CALML4: variants seen among roughly 807,000 people sequenced by gnomAD.
The protein encoded by CALML4 is calmodulin like 4, also known as calmodulin-like protein 4.
Under a neutral mutation model 17.9 loss-of-function variants are expected in CALML4, and 16 were observed. The observed-to-expected ratio is 0.89, with a 90% CI of 0.61 to 1.36. The LOEUF is 1.36. Ranked by LOEUF, CALML4 falls within the 40% of genes most tolerant of loss-of-function variation. The pLI is 0.00. For synonymous variants in CALML4, 86 were observed against 71.5 expected, an observed-to-expected ratio of 1.20 and a Z score of -1.02; for missense variants, 203 against 194.8, an observed-to-expected ratio of 1.04 and a Z score of -0.25.
chr15:68,196,740 G>T (rs377316741), intron 4 of CALML4, among the ~76,000 whole-genome samples: 17 of 152,154 alleles, frequency 1.1e-4, no homozygotes, highest in Non-Finnish European at 1.9e-4. Context: ...TTTCCTAGAA[G>T]ACCCCAGGCC....
At chr15:68,205,650 G>A (rs776442596), upstream of CALML4, 3 of 447,914 alleles carry the variant, frequency 6.7e-6, no homozygotes, top group Non-Finnish European at 1.2e-5. The surrounding 1 kb of genome is among the most constrained non-coding windows in gnomAD (Gnocchi z 4.8). Flanking sequence ...TTTACACCCC[G>A]GGTCGTATTG....
At position 68,194,003 on chromosome 15, in the gene CALML4, C is replaced by T. The variant is rs376785422; in HGVS notation, c.*12G>A. 2.6e-5 allele frequency: 42 copies of T among 1,588,266 alleles called. No homozygotes were observed. The African/African-American group carries it at 5.1e-4, about 19-fold the overall frequency. ...TTTTCAGGCCCAGGGGAGGCTCTCC[C>T]ATTCTCCTCCTTCAATAGTCCCGTC... On this transcript the variant is annotated 3_prime_UTR_variant, in exon 5 of 5. Transcript: ENST00000467889.
chr15:68,205,732 C>CGGGGCTCGCAGGCTT (rs1430614149), upstream of CALML4: 1 of 272,596 alleles, frequency 3.7e-6, no homozygotes, highest in Non-Finnish European at 7.3e-6. The surrounding 1 kb of genome is among the most constrained non-coding windows in gnomAD (Gnocchi z 4.8). Context: ...AGATGGGCAC[C>CGGGGCTCGCAGGCTT]GGGGCTCGCA....
chr15:68,194,466 C>T (rs62004819), intron 4 of CALML4, among the ~76,000 whole-genome samples: 205 of 151,770 alleles, frequency 1.4e-3, no homozygotes, highest in Non-Finnish European at 2.1e-3. Flanking sequence ...TCACTGCAAC[C>T]TCCGCCTCCC....
rs1479288886 is a variant in CALML4, at chr15:68,192,065, G to C, written c.*1950C>G. ...AGACATAGAAAAGCTTTGACGGAAA[G>C]TACCCTCATTTATTATATCCAGAAC... On this transcript the variant is annotated 3_prime_UTR_variant, in exon 5 of 5. Transcript: ENST00000467889. The C allele has an allele frequency of 6.6e-6, 1 of 152,194 alleles. No homozygotes were observed. Among genetic ancestry groups the C allele is most frequent in the African/African-American group, 2.4e-5 (1 of 41,452 alleles). 9.4% of individuals were successfully genotyped at this position (152,194 alleles called of 1,614,324 possible). A position where few individuals can be genotyped will look rare whatever the true frequency, so the allele number is the denominator to read the frequency against.
Position 68,197,488 on chromosome 15 carries a change from G to T in CALML4, c.316C>A (p.Leu106Met). Reference sequence around the variant, plus strand: ...CCCAGACTCGTGAGTTTTGACCGCAGGTCGGACGCCATGACGTAACCTTTC... The same window carrying T: ...CCCAGACTCGTGAGTTTTGACCGCATGTCGGACGCCATGACGTAACCTTTC... ...EKKGYVMASD[L>M]RSKLTSLGEK... The change falls in exon 4 of 5, where the codon CTG becomes ATG. Residue 106 changes from leucine to methionine, a missense_variant. Leu to Met is a conservative substitution (Grantham distance 15, BLOSUM62 2). Transcript: ENST00000467889. This position sits in a 1 kb window ranked among gnomAD's most constrained non-coding sequence, Gnocchi z 4.1. The T allele has an allele frequency of 6.2e-7, 1 of 1,614,110 alleles. No homozygotes were observed. The highest frequency in any genetic ancestry group is 8.5e-7 in the Non-Finnish European group (1 of 1,180,036).
chr15:68,205,373 C>T, upstream of CALML4: 2 of 1,613,818 alleles, frequency 1.2e-6, no homozygotes, highest in Non-Finnish European at 8.5e-7. This position sits in a 1 kb window ranked among gnomAD's most constrained non-coding sequence, Gnocchi z 4.8. Context: ...TGCTCGGCTG[C>T]CATGGAGACT....
intron 4 of CALML4, among the ~76,000 whole-genome samples, chr15:68,196,197 C>T (rs1024419768): frequency 2.0e-5 from 3 of 152,190 alleles, no homozygotes; most frequent in African/African-American, 4.8e-5. Flanking sequence ...TACAGGCGCC[C>T]GCCACCACGC....
At position 68,204,222 on chromosome 15, in the gene CALML4, C is replaced by T. The variant is rs1310003355; in HGVS notation, c.34+899G>A. Among the ~76,000 whole-genome samples the T allele has an allele frequency of 3.3e-5, 5 of 152,190 alleles. No homozygotes were observed. Among genetic ancestry groups the T allele is most frequent in the African/African-American group, 9.6e-5 (4 of 41,456 alleles). ...GGAACTCCTGCCCAGGTAACCCTAA[C>T]CCCACTTGGCTGGGCTCTCAGGACC... On this transcript the variant is annotated intron_variant, in intron 2 of 4. Coordinates refer to ENST00000467889, the MANE Select transcript of CALML4 (RefSeq NM_033429.3). This position sits in a 1 kb window ranked among gnomAD's most constrained non-coding sequence, Gnocchi z 6.0.
At chr15:68,205,464 G>C, upstream of CALML4, 1 of 1,536,966 alleles carries the variant, frequency 6.5e-7, no homozygotes, top group East Asian at 2.3e-5. The surrounding 1 kb of genome is among the most constrained non-coding windows in gnomAD (Gnocchi z 4.8). Flanking sequence ...GGATTTTTGA[G>C]GAAATGGGGC....
chr15:68,201,801 T>TA (rs774737446), intron 2 of CALML4, among the ~76,000 whole-genome samples: 2 of 152,232 alleles, frequency 1.3e-5, no homozygotes, highest in African/African-American at 2.4e-5. Flanking sequence ...ATTCCTGCAC[T>TA]GGAACAAGAC....
chr15:68,194,540 T>A (rs528708277), intron 4 of CALML4, among the ~76,000 whole-genome samples: 1 of 151,968 alleles, frequency 6.6e-6, no homozygotes, highest in South Asian at 2.1e-4. Flanking sequence ...AGTACCACCA[T>A]GCCCGGCTAA....
intron 4 of CALML4, among the ~76,000 whole-genome samples, chr15:68,195,692 T>C (rs1035862554): frequency 1.3e-5 from 2 of 152,184 alleles, no homozygotes; most frequent in African/African-American, 4.8e-5. Flanking sequence ...TGTCTTTCGA[T>C]CACCCAGAAA....
intron 4 of CALML4, among the ~76,000 whole-genome samples, chr15:68,195,046 CA>C (rs35627887): frequency 0.019 from 2,410 of 130,228 alleles, 16 homozygotes; most frequent in Non-Finnish European, 0.02. Flanking sequence ...TCCATCACTC[CA>C]AAAAAAAAAA....
chr15:68,195,060 A>AAATC (rs1328051657), intron 4 of CALML4, among the ~76,000 whole-genome samples: 3 of 152,134 alleles, frequency 2.0e-5, no homozygotes, highest in Non-Finnish European at 4.4e-5. Flanking sequence ...AAAAAAAAAA[A>AAATC]AATCACTTCA....
rs980730335 is a variant in CALML4, at chr15:68,200,624, G to A, written c.35-943C>T. On this transcript the variant is annotated intron_variant, in intron 2 of 4. Coordinates refer to ENST00000467889, the MANE Select transcript of CALML4 (RefSeq NM_033429.3). The surrounding 1 kb of genome is among the most constrained non-coding windows in gnomAD (Gnocchi z 4.3). Reference sequence around the variant, plus strand: ...CTGCCATCAGGACAGGGAGATTCTCGTCCAGCCCAGACGAGGCACCCGGGC... The same window carrying A: ...CTGCCATCAGGACAGGGAGATTCTCATCCAGCCCAGACGAGGCACCCGGGC... Among the ~76,000 whole-genome samples, 5 of 152,290 alleles carry A rather than the reference G, an allele frequency of 3.3e-5. No individual in the cohort carries two copies. Among genetic ancestry groups the A allele is most frequent in the Admixed American group, 6.5e-5 (1 of 15,304 alleles).
Position 68,197,563 on chromosome 15 carries a change from C to CTT in CALML4, c.239_240dup (p.Asp81LysfsTer9). ...GCTAGAAGAATTTCTTTCTTTGGGT[C>CTT]TTCTTGTTTTATTTGCATGTGCATA... On this transcript the variant is annotated frameshift_variant, in exon 4 of 5. Transcript: ENST00000467889. LOFTEE classifies it high-confidence loss of function. This position sits in a 1 kb window ranked among gnomAD's most constrained non-coding sequence, Gnocchi z 4.1. 6.2e-7 allele frequency: 1 copy of CTT among 1,614,024 alleles called. No individual in the cohort carries two copies. Among genetic ancestry groups the CTT allele is most frequent in the Non-Finnish European group, 8.5e-7 (1 of 1,179,926 alleles).
chr15:68,194,596 C>T (rs1250697634), intron 4 of CALML4, among the ~76,000 whole-genome samples: 1 of 152,048 alleles, frequency 6.6e-6, no homozygotes, highest in Non-Finnish European at 1.5e-5. Flanking sequence ...GTTGGCCAGG[C>T]TGGTCTTGAA....
chr15:68,205,313 C>T lies in CALML4; in HGVS notation c.-66G>A. ...GAACCGCGTTCAGTTCCCTTTCCTC[C>T]AGCCTCAAGTCTAAAGTCTGCCAAG... On this transcript the variant is annotated 5_prime_UTR_variant, in exon 1 of 5. Transcript: ENST00000467889. The surrounding 1 kb of genome is among the most constrained non-coding windows in gnomAD (Gnocchi z 4.8). 1 of 1,614,174 alleles carries T rather than the reference C, an allele frequency of 6.2e-7. No individual in the cohort carries two copies. The highest frequency in any genetic ancestry group is 8.5e-7 in the Non-Finnish European group (1 of 1,180,036).
Sources: allele counts gnomAD v4.1 joint callset (sites outside exome capture counted in the v4.1 genomes callset), GRCh38; gene constraint gnomAD v4.1.1; non-coding constraint Gnocchi (gnomAD v3.1); transcripts MANE v1.5; gene names NCBI Gene and HGNC (gene_info 2026-07-23, HGNC 2026-07-21).